Variants in CPNE4 observed in about 807,000 individuals in gnomAD.
CPNE4 encodes the protein copine 4, also known as copine-4.
A neutral mutation model predicts 67.9 loss-of-function variants in CPNE4; 25 were observed. The observed-to-expected ratio is 0.37, with a 90% CI of 0.27 to 0.51. CPNE4 has a LOEUF of 0.51. CPNE4 is among the 20% of genes least tolerant of loss of function. CPNE4 has a pLI of 0.93. For missense variants in CPNE4, 464 were observed against 690.8 expected, an observed-to-expected ratio of 0.67 and a Z score of 3.68; for synonymous variants, 242 against 244.9, an observed-to-expected ratio of 0.99 and a Z score of 0.11.
intron 2 of CPNE4, among the ~76,000 whole-genome samples, chr3:131,889,125 C>T (rs1583408581): frequency 3.3e-5 from 5 of 152,234 alleles, no homozygotes; most frequent in Admixed American, 3.3e-4. Flanking sequence ...TTAAGTAATT[C>T]ATAAGCATCA....
chr3:131,552,851 C>A (rs1281436805), intron 12 of CPNE4, among the ~76,000 whole-genome samples: 2 of 152,006 alleles, frequency 1.3e-5, no homozygotes, highest in Admixed American at 6.6e-5. Flanking sequence ...CTATTTGGAC[C>A]CAGTGATTAA....
chr3:131,942,500 GAGAGAGAGA>G (rs2071429688), intron 1 of CPNE4, among the ~76,000 whole-genome samples: 1 of 143,916 alleles, frequency 6.9e-6, no homozygotes, highest in Admixed American at 7.0e-5. Context: ...GAGAGAGAGA[GAGAGAGAGA>G]GAGAGATCAT....
chr3:131,908,222 G>GA lies in CPNE4; in HGVS notation c.-1-2779dup, dbSNP rs200692454. 3.9e-3 allele frequency among the ~76,000 whole-genome samples: 597 copies of GA among 152,186 alleles called. 1 individual carries two copies. The highest frequency in any genetic ancestry group is 6.4e-3 in the Non-Finnish European group (433 of 67,988). ...TGTAAATAAATTCTATTCAAATACA[G>GA]AAAATGCACAGATTATAAGTCTATA... On this transcript the variant is annotated intron_variant, in intron 1 of 15. Transcript: ENST00000429747.
intron 10 of CPNE4, among the ~76,000 whole-genome samples, chr3:131,570,168 G>A (rs1582817990): frequency 6.6e-6 from 1 of 151,678 alleles, no homozygotes; most frequent in Non-Finnish European, 1.5e-5. Flanking sequence ...TGTAATTCAT[G>A]TAGCCATTAC....
intron 12 of CPNE4, among the ~76,000 whole-genome samples, chr3:131,554,521 T>C (rs1419132485): frequency 1.3e-5 from 2 of 152,052 alleles, no homozygotes; most frequent in African/African-American, 2.4e-5. Flanking sequence ...GAAAGGCCAG[T>C]GTGGAATACA....
At chr3:131,952,763 G>C (rs531716756) in intron 1 of CPNE4, among the ~76,000 whole-genome samples, 1 of 152,122 alleles carries the variant, frequency 6.6e-6, no homozygotes, top group Non-Finnish European at 1.5e-5. Context: ...CATTGAGAAC[G>C]GGCCAGGATG....
At chr3:131,682,178 T>A (rs886816123) in intron 6 of CPNE4, among the ~76,000 whole-genome samples, 2 of 152,120 alleles carry the variant, frequency 1.3e-5, no homozygotes, top group Non-Finnish European at 2.9e-5. Context: ...TCATGAATGG[T>A]CCTGATGCTT....
rs745636579 is a variant in CPNE4 at position 131,922,057 on chromosome 3, TAGTC to T, written c.-1-16617_-1-16614del. ...CCCACATTCTGAGCATAGTACTTAA[TAGTC>T]AGTTATTCAACCCTTGCCCCCAACT... On this transcript the variant is annotated intron_variant, in intron 1 of 15. Transcript: ENST00000429747. 4.6e-5 allele frequency among the ~76,000 whole-genome samples: 7 copies of T among 152,306 alleles called. No homozygotes were observed. In the East Asian group the frequency reaches 1.4e-3, roughly 29 times the overall value.
intron 2 of CPNE4, among the ~76,000 whole-genome samples, chr3:131,888,717 G>C (rs1047243667): frequency 6.6e-6 from 1 of 152,194 alleles, no homozygotes; most frequent in Non-Finnish European, 1.5e-5. Flanking sequence ...ACACAGACAA[G>C]TGGAATGAAG....
At chr3:131,879,618 C>A (rs980606837) in intron 2 of CPNE4, among the ~76,000 whole-genome samples, 1 of 152,082 alleles carries the variant, frequency 6.6e-6, no homozygotes, top group Non-Finnish European at 1.5e-5. Flanking sequence ...CAAAGCCCAT[C>A]GGCCCCCTAT....
At chr3:131,973,451 G>C (rs2072556169) in intron 1 of CPNE4, among the ~76,000 whole-genome samples, 1 of 152,106 alleles carries the variant, frequency 6.6e-6, no homozygotes, top group African/African-American at 2.4e-5. Flanking sequence ...CCTCTGATAT[G>C]GATCAGGCAT....
chr3:131,872,790 T>C (rs762023467), intron 2 of CPNE4, among the ~76,000 whole-genome samples: 6 of 152,228 alleles, frequency 3.9e-5, no homozygotes, highest in Non-Finnish European at 7.3e-5. Flanking sequence ...GAAAAGGCCA[T>C]GTCAAGATAT....
rs1349533254 is a variant in CPNE4 at position 131,932,999 on chromosome 3, ACT to A, written c.-1-27557_-1-27556del. 9.7e-4 allele frequency among the ~76,000 whole-genome samples: 148 copies of A among 152,228 alleles called. 4 individuals are homozygous for A. The highest frequency in any genetic ancestry group is 9.5e-3 in the Admixed American group (145 of 15,286). On this transcript the variant is annotated intron_variant, in intron 1 of 15. Transcript: ENST00000429747. ...TTGTGCTCCTGGGCAACAGAGCGAG[ACT>A]CTATCTCAAAGAAAAAAGAATAGCA...
intron 1 of CPNE4, among the ~76,000 whole-genome samples, chr3:131,983,045 T>G (rs575826295): frequency 7.2e-5 from 11 of 152,198 alleles, no homozygotes; most frequent in African/African-American, 2.6e-4. Context: ...GTTACCAAAA[T>G]TTTTGTCTAA....
intron 7 of CPNE4, among the ~76,000 whole-genome samples, chr3:131,646,796 A>T (rs2079678673): frequency 6.6e-6 from 1 of 152,256 alleles, no homozygotes; most frequent in Admixed American, 6.5e-5. Flanking sequence ...AAAGAGATAC[A>T]TAAGCATGTC....
chr3:131,815,228 T>C (rs928888332), intron 2 of CPNE4, among the ~76,000 whole-genome samples: 1 of 152,146 alleles, frequency 6.6e-6, no homozygotes, highest in African/African-American at 2.4e-5. Context: ...ATATGAGGAA[T>C]TAGGTTCTGA....
intron 2 of CPNE4, among the ~76,000 whole-genome samples, chr3:131,835,922 A>G (rs1179743441): frequency 6.6e-6 from 1 of 152,130 alleles, no homozygotes; most frequent in Non-Finnish European, 1.5e-5. Flanking sequence ...ACCTTCCCCC[A>G]TTCCCACAGT....
chr3:131,963,651 C>G (rs1371814331), intron 1 of CPNE4, among the ~76,000 whole-genome samples: 1 of 152,188 alleles, frequency 6.6e-6, no homozygotes, highest in African/African-American at 2.4e-5. Context: ...CACCGCAGGG[C>G]AGCGAAGCGG....
chr3:131,856,910 G>T (rs1227264578), intron 2 of CPNE4, among the ~76,000 whole-genome samples: 1 of 151,990 alleles, frequency 6.6e-6, no homozygotes, highest in African/African-American at 2.4e-5. Context: ...CAACCATCAG[G>T]TTGTTGAGCT....
Sources: allele counts gnomAD v4.1 joint callset (sites outside exome capture counted in the v4.1 genomes callset), GRCh38; gene constraint gnomAD v4.1.1; transcripts MANE v1.5; gene names NCBI Gene and HGNC (gene_info 2026-07-23, HGNC 2026-07-21).